MSR1: variants seen among roughly 807,000 people sequenced by gnomAD.
The protein encoded by MSR1 is macrophage scavenger receptor 1.
In MSR1, 53 loss-of-function variants were observed where a neutral mutation model predicts 47.2. The ratio of observed to expected loss-of-function variants is 1.12; its 90% confidence interval spans 0.90 to 1.41. MSR1 has a LOEUF of 1.41. Ranked by LOEUF, MSR1 falls within the 40% of genes most tolerant of loss-of-function variation. MSR1 has a pLI of 0.00. For synonymous variants in MSR1, 239 were observed against 185.6 expected (o/e 1.29, Z -2.34); for missense variants, 786 against 546.9 (o/e 1.44, Z -4.36).
chr8:16,185,556 G>C (rs1316060020), intron 1 of MSR1, among the ~76,000 whole-genome samples: 2 of 152,038 alleles, frequency 1.3e-5, no homozygotes, highest in South Asian at 2.1e-4. Flanking sequence ...CACGCAATCT[G>C]AGCCCAGAAC....
chr8:16,179,022 A>G (rs1457849116), intron 1 of MSR1, among the ~76,000 whole-genome samples: 1 of 152,216 alleles, frequency 6.6e-6, no homozygotes, highest in African/African-American at 2.4e-5. Context: ...TTTCACGTAA[A>G]AAGACAGATG....
chr8:16,164,165 T>A lies in MSR1; in HGVS notation c.717A>T (p.Glu239Asp). Residue 239 changes from glutamate (E) to aspartate (D), a missense_variant, in exon 5 of 10, where the codon GAA (glutamate) becomes GAT (aspartate). Glu to Asp is a conservative substitution (Grantham distance 45). Transcript: ENST00000262101. The stretch of plus-strand genomic sequence containing the variant: ...TCAGTACTTTCACTTCTCCTTTTAT[T>A]TCCTGTTCCAAATGCACTTGTTCTT... ...MKEEQVHLEQEIKGEVKVLNN... is the reference protein window; with the variant it reads ...MKEEQVHLEQDIKGEVKVLNN... The A allele has an allele frequency of 6.2e-7, 1 of 1,612,276 alleles. No homozygotes were observed. Among genetic ancestry groups the A allele is most frequent in the Non-Finnish European group, 8.5e-7 (1 of 1,178,802 alleles).
intron 6 of MSR1, among the ~76,000 whole-genome samples, chr8:16,152,206 A>C (rs1227044213): frequency 6.6e-6 from 1 of 152,010 alleles, no homozygotes; most frequent in African/African-American, 2.4e-5. Context: ...TTTTTGATTC[A>C]CTGGCACAAT....
At chr8:16,156,065 A>C (rs1186691164) in intron 5 of MSR1, among the ~76,000 whole-genome samples, 2 of 151,920 alleles carry the variant, frequency 1.3e-5, no homozygotes, top group Non-Finnish European at 2.9e-5. Context: ...CCTAAACACC[A>C]TGTTCCATAT....
chr8:16,124,014 C>T (rs1374774456), intron 8 of MSR1, among the ~76,000 whole-genome samples: 3 of 152,100 alleles, frequency 2.0e-5, no homozygotes, highest in Non-Finnish European at 4.4e-5. Context: ...CAGTTTCTTT[C>T]TTGATGACAG....
At chr8:16,127,920 G>C (rs544150892) in intron 8 of MSR1, among the ~76,000 whole-genome samples, 19 of 152,240 alleles carry the variant, frequency 1.2e-4, no homozygotes, top group Admixed American at 1.2e-3. Flanking sequence ...CATCCTGTTT[G>C]TCATTAATCC....
At chr8:16,152,095 A>C (rs1800877031) in intron 6 of MSR1, among the ~76,000 whole-genome samples, 1 of 151,918 alleles carries the variant, frequency 6.6e-6, no homozygotes, top group Non-Finnish European at 1.5e-5. Flanking sequence ...CCTCTTCCTC[A>C]TCCTCCTCCT....
intron 1 of MSR1, among the ~76,000 whole-genome samples, chr8:16,180,038 C>G (rs561125612): frequency 4.5e-4 from 69 of 152,036 alleles, no homozygotes; most frequent in Non-Finnish European, 9.7e-4. Context: ...GACCTCAAGT[C>G]TGCCTCCCAA....
intron 3 of MSR1, among the ~76,000 whole-genome samples, chr8:16,171,781 G>A (rs1319370895): frequency 1.3e-5 from 2 of 152,070 alleles, no homozygotes; most frequent in African/African-American, 4.8e-5. Flanking sequence ...TAAGAATTTA[G>A]ATTCTAGAAT....
rs1206735429 is a variant in MSR1 at position 16,144,687 on chromosome 8, G to A, written c.980-1076C>T. ...TTCTTCTATAAAATAAAAAAATAAC[G>A]CTTTTCATTGTAGAGTTGCCTGTTC... is the stretch of plus-strand genomic sequence containing the variant. On this transcript the variant is annotated intron_variant, in intron 7 of 9. Coordinates refer to ENST00000262101, the MANE Select transcript of MSR1 (RefSeq NM_138715.3). Among the ~76,000 whole-genome samples, 7 of 151,868 alleles carry A rather than the reference G, an allele frequency of 4.6e-5. No homozygotes were observed. In the South Asian group the frequency reaches 6.2e-4, roughly 14 times the overall value.
intron 1 of MSR1, among the ~76,000 whole-genome samples, chr8:16,188,800 T>C (rs1585203675): frequency 6.6e-6 from 1 of 151,932 alleles, no homozygotes; most frequent in African/African-American, 2.4e-5. Flanking sequence ...CTGAGAATGA[T>C]GGTTTCCAGC....
chr8:16,123,608 G>T (rs1800060898), intron 8 of MSR1, among the ~76,000 whole-genome samples: 1 of 149,594 alleles, frequency 6.7e-6, no homozygotes, highest in Non-Finnish European at 1.5e-5. Flanking sequence ...GTGTGTGTCT[G>T]GATAGCTGTT....
At position 16,110,346 on chromosome 8, in the gene MSR1, T is replaced by C; in HGVS notation, c.1223-128A>G. On this transcript the variant is annotated intron_variant, in intron 9 of 9. Coordinates refer to ENST00000262101, the MANE Select transcript of MSR1 (RefSeq NM_138715.3). Reference sequence around the variant, plus strand: ...TTGATTATTTTCTGTATGCAAGTTCTGTGCTCTCTAGTAGGAATCAAAAAT... The same window carrying C: ...TTGATTATTTTCTGTATGCAAGTTCCGTGCTCTCTAGTAGGAATCAAAAAT... 4 of 1,045,414 alleles carry C rather than the reference T, an allele frequency of 3.8e-6. No homozygotes were observed. The South Asian group carries it at 5.2e-5, about 14-fold the overall frequency. The allele number at this position is 1,045,414 out of a possible 1,614,324, so 64.8% of individuals were successfully genotyped here.
At chr8:16,147,879 T>C (rs1446571787) in intron 7 of MSR1, among the ~76,000 whole-genome samples, 2 of 151,960 alleles carry the variant, frequency 1.3e-5, no homozygotes, top group Non-Finnish European at 2.9e-5. Flanking sequence ...CACCTAAACA[T>C]AATGGTTTTC....
chr8:16,176,854 G>C (rs1313869286), intron 2 of MSR1, among the ~76,000 whole-genome samples: 1 of 152,092 alleles, frequency 6.6e-6, no homozygotes, highest in African/African-American at 2.4e-5. Context: ...TTTACACAGA[G>C]CACAAGATCC....
At chr8:16,133,817 G>C (rs563914734) in intron 8 of MSR1, among the ~76,000 whole-genome samples, 1 of 152,226 alleles carries the variant, frequency 6.6e-6, no homozygotes, top group Admixed American at 6.5e-5. Context: ...TGAAAGCTCT[G>C]CTGTTGTCTG....
At chr8:16,190,364 T>A (rs1178688442) in intron 1 of MSR1, among the ~76,000 whole-genome samples, 2 of 152,178 alleles carry the variant, frequency 1.3e-5, no homozygotes, top group African/African-American at 4.8e-5. Flanking sequence ...GACTTATATG[T>A]GAATATGGCA....
chr8:16,137,448 ATC>A (rs1563146564), intron 8 of MSR1, among the ~76,000 whole-genome samples: 2 of 151,768 alleles, frequency 1.3e-5, no homozygotes, highest in Admixed American at 6.6e-5. Flanking sequence ...CTCTCTATCT[ATC>A]TCTTTCTCTC....
chr8:16,126,541 T>G (rs1188762175), intron 8 of MSR1, among the ~76,000 whole-genome samples: 1 of 152,182 alleles, frequency 6.6e-6, no homozygotes, highest in Non-Finnish European at 1.5e-5. Context: ...GATAACTGAT[T>G]CTTTATTTAA....
Sources: allele counts gnomAD v4.1 joint callset (sites outside exome capture counted in the v4.1 genomes callset), GRCh38; gene constraint gnomAD v4.1.1; transcripts MANE v1.5; gene names NCBI Gene and HGNC (gene_info 2026-07-23, HGNC 2026-07-21).